ZNF385D: variants seen among roughly 807,000 people sequenced by gnomAD.
ZNF385D encodes the protein zinc finger protein 385D.
Under a neutral mutation model 35.8 loss-of-function variants are expected in ZNF385D, and 15 were observed. The observed-to-expected ratio is 0.42, with a 90% CI of 0.28 to 0.64. The LOEUF is 0.64. Among genes scored for constraint, ZNF385D ranks in the 30% least tolerant of loss-of-function variants. The pLI, the probability that ZNF385D is intolerant of heterozygous loss-of-function variation, is 0.23. For synonymous variants in ZNF385D, 212 were observed against 186.8 expected (o/e 1.13, Z -1.10); for missense variants, 474 against 494.6 (o/e 0.96, Z 0.39).
At chr3:22,225,117 C>T (rs1370065122) in intron 2 of ZNF385D, among the ~76,000 whole-genome samples, 1 of 152,122 alleles carries the variant, frequency 6.6e-6, no homozygotes, top group Non-Finnish European at 1.5e-5. Flanking sequence ...ACACAAAATT[C>T]CTGACTTTAT....
At position 22,174,864 on chromosome 3, in the gene ZNF385D, G is replaced by A. The variant is rs149680065; in HGVS notation, c.107-5829C>T. On this transcript the variant is annotated intron_variant, in intron 2 of 5. Coordinates refer to the ZNF385D transcript ENST00000494108. ...GTAATATTTATACAGAACACAACAG[G>A]TGACAGATTTTGGCCATTTCTTTAA... Among the ~76,000 whole-genome samples the A allele has an allele frequency of 3.8e-3, 575 of 151,978 alleles. 6 individuals carry two copies. Among genetic ancestry groups the A allele is most frequent in the African/African-American group, 0.013 (544 of 41,502 alleles).
At chr3:22,093,544 T>C (rs943471813) in intron 3 of ZNF385D, among the ~76,000 whole-genome samples, 1 of 152,060 alleles carries the variant, frequency 6.6e-6, no homozygotes, top group Non-Finnish European at 1.5e-5. Context: ...TGAAAACTAC[T>C]AGAGGTTCGA....
intron 3 of ZNF385D, among the ~76,000 whole-genome samples, chr3:21,824,254 C>T (rs1035469372): frequency 2.0e-5 from 3 of 152,086 alleles, no homozygotes; most frequent in African/African-American, 7.2e-5. Context: ...ACGTTATATT[C>T]AAAACGACAT....
intron 3 of ZNF385D, among the ~76,000 whole-genome samples, chr3:21,997,617 G>A (rs905698777): frequency 6.6e-6 from 1 of 151,562 alleles, no homozygotes; most frequent in Non-Finnish European, 1.5e-5. Flanking sequence ...AAGAGAGAGA[G>A]AGTGTAAGTG....
chr3:21,833,115 C>G (rs537881388), intron 3 of ZNF385D, among the ~76,000 whole-genome samples: 1 of 152,180 alleles, frequency 6.6e-6, no homozygotes, highest in East Asian at 1.9e-4. Context: ...ACCTACTGTA[C>G]CAGATACTGT....
chr3:22,151,648 G>T (rs1416027715), intron 3 of ZNF385D, among the ~76,000 whole-genome samples: 1 of 152,090 alleles, frequency 6.6e-6, no homozygotes, highest in Non-Finnish European at 1.5e-5. Flanking sequence ...TCAACTGATT[G>T]GCTGGGGCCC....
At chr3:21,700,186 C>T in intron 1 of ZNF385D, among the ~76,000 whole-genome samples, 1 of 151,798 alleles carries the variant, frequency 6.6e-6, no homozygotes, top group Non-Finnish European at 1.5e-5. Context: ...ATGTCGGGGC[C>T]AGGTTGTGGG....
rs1028735224 is a variant in ZNF385D, at chr3:21,539,261, G to A, written c.276+25313C>T. On this transcript the variant is annotated intron_variant, in intron 3 of 7. Transcript: ENST00000281523. This position sits in a 1 kb window ranked among gnomAD's most constrained non-coding sequence, Gnocchi z 4.0. Reference sequence around the variant, plus strand: ...ACACTGAATGCCTATTCAGTGCTGTGTGGCTTCTACATTTCTACATAGATC... The same window carrying A: ...ACACTGAATGCCTATTCAGTGCTGTATGGCTTCTACATTTCTACATAGATC... Among the ~76,000 whole-genome samples, 2 of 151,916 alleles carry A rather than the reference G, an allele frequency of 1.3e-5. No individual in the cohort carries two copies. The highest frequency in any genetic ancestry group is 2.9e-5 in the Non-Finnish European group (2 of 67,984).
At chr3:21,867,077 A>C (rs955828390) in intron 3 of ZNF385D, among the ~76,000 whole-genome samples, 4 of 152,090 alleles carry the variant, frequency 2.6e-5, no homozygotes, top group African/African-American at 9.7e-5. Context: ...AGACACTGAG[A>C]TACGGTGTCT....
chr3:21,792,032 C>G (rs116735983), intron 3 of ZNF385D, among the ~76,000 whole-genome samples: 3,457 of 152,228 alleles, frequency 0.023, 116 homozygotes, highest in African/African-American at 0.078. Context: ...TGTGCCCGGC[C>G]CTAATCATTT....
chr3:22,275,071 A>G (rs903128433), intron 2 of ZNF385D, among the ~76,000 whole-genome samples: 1 of 152,126 alleles, frequency 6.6e-6, no homozygotes, highest in African/African-American at 2.4e-5. Flanking sequence ...CAATTACTTG[A>G]AAATGTTATT....
rs1431310343 is a variant in ZNF385D, at chr3:21,988,527, C to T, written c.325+180290G>A. 1.4e-5 allele frequency among the ~76,000 whole-genome samples: 2 copies of T among 145,590 alleles called. 1 individual carries two copies. The highest frequency in any genetic ancestry group is 4.9e-4 in the South Asian group (2 of 4,058). ...CACTTGAGGAGGCAGTCTGCCCGTT[C>T]TCAGATCTCCAGCTGCATGCTGGGA... On this transcript the variant is annotated intron_variant, in intron 3 of 5. Transcript: ENST00000494108.
intron 2 of ZNF385D, among the ~76,000 whole-genome samples, chr3:22,337,781 G>T (rs371338030): frequency 6.6e-6 from 1 of 152,152 alleles, no homozygotes; most frequent in African/African-American, 2.4e-5. Flanking sequence ...CAAAAGGGCA[G>T]GAAAAGAATG....
At chr3:22,039,977 G>A (rs1007197662) in intron 3 of ZNF385D, among the ~76,000 whole-genome samples, 2 of 152,106 alleles carry the variant, frequency 1.3e-5, no homozygotes, top group African/African-American at 4.8e-5. Flanking sequence ...GAAACAAGGA[G>A]GATCATGAGG....
intron 3 of ZNF385D, among the ~76,000 whole-genome samples, chr3:21,965,243 T>A (rs1008892163): frequency 1.3e-5 from 2 of 152,170 alleles, no homozygotes; most frequent in South Asian, 2.1e-4. Context: ...ATAATTAGAT[T>A]TGAAGTTGTA....
chr3:21,902,885 G>C (rs1192036630), intron 3 of ZNF385D, among the ~76,000 whole-genome samples: 1 of 152,110 alleles, frequency 6.6e-6, no homozygotes, highest in Non-Finnish European at 1.5e-5. Context: ...TTTAGTAGGA[G>C]TAACTGGCTG....
intron 3 of ZNF385D, among the ~76,000 whole-genome samples, chr3:21,883,083 G>T (rs974016282): frequency 6.6e-6 from 1 of 151,916 alleles, no homozygotes; most frequent in African/African-American, 2.4e-5. Context: ...ACTTTAAGAA[G>T]TGTACTAAGA....
At position 21,804,414 on chromosome 3, in the gene ZNF385D, T is replaced by G. The variant is rs578153405; in HGVS notation, c.326-139386A>C. Among the ~76,000 whole-genome samples, 24 of 152,272 alleles carry G rather than the reference T, an allele frequency of 1.6e-4. 1 individual carries two copies. Among genetic ancestry groups the G allele is most frequent in the African/African-American group, 4.6e-4 (19 of 41,552 alleles). On this transcript the variant is annotated intron_variant, in intron 3 of 5. Transcript: ENST00000494108. ...GACAGTAACGTTTTCAAGAAATTAA[T>G]CACGTGAAAAATTGAGTAAATATCA...
At chr3:21,792,549 G>A (rs1216308817) in intron 3 of ZNF385D, among the ~76,000 whole-genome samples, 1 of 152,170 alleles carries the variant, frequency 6.6e-6, no homozygotes, top group Non-Finnish European at 1.5e-5. Flanking sequence ...GCTCTTTAGA[G>A]AAAGAATCTT....
Sources: allele counts gnomAD v4.1 joint callset (sites outside exome capture counted in the v4.1 genomes callset), GRCh38; gene constraint gnomAD v4.1.1; non-coding constraint Gnocchi (gnomAD v3.1); transcripts MANE v1.5; gene names NCBI Gene and HGNC (gene_info 2026-07-23, HGNC 2026-07-21).